The following ABI3BP variants were observed in gnomAD, a reference collection of about 807,000 sequenced individuals.
ABI3BP encodes the protein target of Nesh-SH3.
Under a neutral mutation model 268.6 loss-of-function variants are expected in ABI3BP, and 216 were observed. The observed-to-expected ratio is 0.80, with a 90% CI of 0.72 to 0.90. The LOEUF (loss-of-function observed/expected upper bound fraction) is 0.90, where lower values mean the gene tolerates loss of function less well. Among genes scored for constraint, ABI3BP ranks in the 40% least tolerant of loss-of-function variants. The pLI is 0.00. For synonymous variants in ABI3BP, 730 were observed against 730.0 expected, an observed-to-expected ratio of 1.00 and a Z score of 0.00; for missense variants, 2,090 against 2,182.4, an observed-to-expected ratio of 0.96 and a Z score of 0.84.
intron 1 of ABI3BP, among the ~76,000 whole-genome samples, chr3:100,948,221 C>A (rs370067109): frequency 1.3e-5 from 2 of 152,048 alleles, no homozygotes; most frequent in Non-Finnish European, 2.9e-5. Context: ...TACACACAAG[C>A]CAAACTTCTG....
chr3:100,813,879 AG>A (rs1030408336), intron 44 of ABI3BP, 144 bp from the exon 45 acceptor site: 1 of 597,776 alleles, frequency 1.7e-6, no homozygotes, highest in African/African-American at 1.8e-5. Flanking sequence ...CCCTATTTAA[AG>A]CAGAGGTCAG....
chr3:100,825,874 G>A, intron 34 of ABI3BP, 30 bp from the exon 35 acceptor site: 1 of 1,472,746 alleles, frequency 6.8e-7, no homozygotes, highest in Non-Finnish European at 9.2e-7. Flanking sequence ...AAAAGAGATG[G>A]TAAAAAATGT....
chr3:100,807,158 A>T (rs2097733016), intron 50 of ABI3BP, among the ~76,000 whole-genome samples: 1 of 151,904 alleles, frequency 6.6e-6, no homozygotes, highest in Admixed American at 6.6e-5. Context: ...GCTTCTTCTC[A>T]TATAATTTTG....
In ABI3BP at chr3:100,838,222, G is replaced by A. The variant is rs1692194564; in HGVS notation, c.2071C>T (p.Pro691Ser). 8.5e-6 allele frequency: 13 copies of A among 1,536,164 alleles called. No homozygotes were observed. The highest frequency in any genetic ancestry group is 1.1e-5 in the Non-Finnish European group (13 of 1,146,566). Residue 691 changes from proline (P) to serine (S), a missense_variant, in exon 26 of 68, where the codon CCA becomes TCA. Physicochemically the swap from Pro to Ser is moderately conservative, Grantham distance 74. Coordinates refer to ENST00000471714, the MANE Select transcript of ABI3BP (RefSeq NM_001375547.2). ...PQTTAEPDMP[P>S]TKSVSEPVPF... ...AAATTATGTTTACCGGATTTAGTTG[G>A]TGGCATGTCTGGTTCTGCTGTGGTT...
intron 20 of ABI3BP, chr3:100,844,071 T>C (rs1294051523): frequency 1.1e-5 from 11 of 981,750 alleles, no homozygotes; most frequent in Non-Finnish European, 1.2e-5. Flanking sequence ...TGACACGCCT[T>C]CTATTTGACA....
chr3:100,894,794 CT>C (rs1481340188), intron 4 of ABI3BP, among the ~76,000 whole-genome samples: 4 of 151,786 alleles, frequency 2.6e-5, no homozygotes, highest in South Asian at 2.1e-4. Flanking sequence ...AAAAAATTAG[CT>C]AGGCATGGTG....
At chr3:100,851,813 G>T in intron 15 of ABI3BP, 62 bp downstream of exon 15, 1 of 1,406,228 alleles carries the variant, frequency 7.1e-7, no homozygotes. Flanking sequence ...AAAACTAAAG[G>T]AAGAACCACC....
In ABI3BP at chr3:100,819,913, A is replaced by C. The variant is rs1296458450; in HGVS notation, c.3031+307T>G. Among the ~76,000 whole-genome samples the C allele has an allele frequency of 5.5e-5, 8 of 145,746 alleles. No homozygotes were observed. In the East Asian group the frequency reaches 1.6e-3, roughly 30 times the overall value. ...CAGTGAGCTGAGATCGTGCCACTGC[A>C]CTCCAGCCGGGGCAACAGAGTAAGA... On this transcript the variant is annotated intron_variant, in intron 40 of 67. Coordinates refer to ENST00000471714, the MANE Select transcript of ABI3BP (RefSeq NM_001375547.2).
intron 55 of ABI3BP, among the ~76,000 whole-genome samples, chr3:100,789,949 G>A (rs1042326357): frequency 3.3e-5 from 5 of 151,970 alleles, no homozygotes; most frequent in Admixed American, 6.6e-5. Context: ...GGTAAAAAGA[G>A]ATTGAATGTT....
chr3:100,824,806 A>AGGGAT, intron 36 of ABI3BP, 52 bp downstream of exon 36: 1 of 1,458,036 alleles, frequency 6.9e-7, no homozygotes, highest in Non-Finnish European at 9.3e-7. Context: ...TTCAGTCCCC[A>AGGGAT]CTGCGACAGG....
At chr3:100,901,245 TAAA>T (rs1233840189) in intron 3 of ABI3BP, among the ~76,000 whole-genome samples, 8 of 152,180 alleles carry the variant, frequency 5.3e-5, no homozygotes, top group Non-Finnish European at 1.0e-4. Flanking sequence ...ATGCTGCTCT[TAAA>T]AGAAGTGGAA....
chr3:100,867,020 C>T, intron 9 of ABI3BP, 64 bp from the exon 10 acceptor site: 3 of 1,240,774 alleles, frequency 2.4e-6, no homozygotes, highest in Non-Finnish European at 3.5e-6. Context: ...TCCCTCAATG[C>T]ATAATCAAGT....
intron 6 of ABI3BP, among the ~76,000 whole-genome samples, chr3:100,881,328 A>G (rs933507530): frequency 8.5e-5 from 13 of 152,214 alleles, no homozygotes; most frequent in African/African-American, 2.4e-4. Flanking sequence ...ACATTTTAAC[A>G]AGTGGTACCA....
chr3:100,810,123 T>C (rs1397623110), intron 49 of ABI3BP, among the ~76,000 whole-genome samples: 2 of 152,072 alleles, frequency 1.3e-5, no homozygotes, highest in Middle Eastern at 3.2e-3. Context: ...AAAATCAGAA[T>C]ATATATATTT....
At chr3:100,835,498 G>A (rs912070007) in intron 28 of ABI3BP, 103 bp downstream of exon 28, 1 of 838,968 alleles carries the variant, frequency 1.2e-6, no homozygotes, top group Non-Finnish European at 1.8e-6. Flanking sequence ...AGAGGATGAT[G>A]AGAAAATCTT....
chr3:100,815,150 G>A (rs949809717), intron 44 of ABI3BP, among the ~76,000 whole-genome samples: 4 of 152,074 alleles, frequency 2.6e-5, no homozygotes, highest in Non-Finnish European at 2.9e-5. Flanking sequence ...ACTAAAAGAT[G>A]ATGATCTTAG....
At chr3:100,848,696 G>A in intron 18 of ABI3BP, 105 bp downstream of exon 18, 2 of 1,084,518 alleles carry the variant, frequency 1.8e-6, no homozygotes, top group Non-Finnish European at 2.8e-6. Context: ...CAAAGTGCTG[G>A]AGTTGCAGGT....
chr3:100,789,416 G>T (rs1400723580), intron 56 of ABI3BP, 38 bp downstream of exon 56: 1 of 1,569,590 alleles, frequency 6.4e-7, no homozygotes. Context: ...ATCTTCCCCT[G>T]CCTGCTGATT....
At chr3:100,941,060 C>T (rs1227354323) in intron 1 of ABI3BP, among the ~76,000 whole-genome samples, 1 of 150,876 alleles carries the variant, frequency 6.6e-6, no homozygotes, top group African/African-American at 2.4e-5. Flanking sequence ...AGAATAAAAG[C>T]TATGGTAAAA....
Sources: gnomAD v4.1 joint callset for allele counts (sites outside exome capture counted in the v4.1 genomes callset) on GRCh38, gnomAD v4.1.1 for gene constraint, MANE v1.5 for transcripts, NCBI Gene and HGNC (gene_info 2026-07-23, HGNC 2026-07-21) for gene names.